Variants in PDYN observed in about 807,000 individuals in gnomAD.
The protein encoded by PDYN is proenkephalin-B.
A neutral mutation model predicts 11.4 loss-of-function variants in PDYN; 5 were observed. The observed-to-expected ratio is 0.44, with a 90% CI of 0.23 to 0.92. The LOEUF is 0.92. PDYN is among the 40% of genes least tolerant of loss of function. The pLI is 0.24. For synonymous variants in PDYN, 132 were observed against 129.5 expected (o/e 1.02, Z -0.13); for missense variants, 337 against 317.3 (o/e 1.06, Z -0.47).
Position 1,983,016 on chromosome 20 carries a change from C to G in PDYN, c.69G>C (p.Leu23=). 6.2e-7 allele frequency: 1 copy of G among 1,614,112 alleles called. No homozygotes were observed. Among genetic ancestry groups the G allele is most frequent in the South Asian group, 1.1e-5 (1 of 91,084 alleles). The part of the protein sequence containing the change: ...LMFPSTTADC[L]SRCSLCAVKT... Reference sequence around the variant, plus strand: ...TTACAGCACACAAGGAGCACCGCGACAGGCAGTCCGCTGTGGTGGAGGGGA... The same window carrying G: ...TTACAGCACACAAGGAGCACCGCGAGAGGCAGTCCGCTGTGGTGGAGGGGA... The change falls in exon 3 of 4, where the codon CTG becomes CTC. Residue 23 remains leucine, a synonymous_variant. Transcript: ENST00000217305.
At chr20:1,985,747 G>A (rs187785732) in intron 2 of PDYN, among the ~76,000 whole-genome samples, 31 of 152,278 alleles carry the variant, frequency 2.0e-4, no homozygotes, top group African/African-American at 7.0e-4. Flanking sequence ...TCAGGGAAGC[G>A]GACTTGTGTC....
At position 1,988,177 on chromosome 20, in the gene PDYN, G is replaced by A. The variant is rs6035248; in HGVS notation, c.-20+4407C>T. ...CTCCAATCCTCACAGCAGCCCCAGA[G>A]GTGCATGTTTTTCTTTTAATATCCA... On this transcript the variant is annotated intron_variant, in intron 2 of 3. Coordinates refer to ENST00000217305, the MANE Select transcript of PDYN (RefSeq NM_024411.5). Among the ~76,000 whole-genome samples the A allele has an allele frequency of 2.2e-3, 329 of 152,228 alleles. 1 individual carries two copies. The highest frequency in any genetic ancestry group is 7.2e-3 in the African/African-American group (297 of 41,524).
intron 2 of PDYN, among the ~76,000 whole-genome samples, chr20:1,985,700 G>A (rs562618331): frequency 1.3e-5 from 2 of 152,192 alleles, no homozygotes; most frequent in African/African-American, 2.4e-5. Context: ...GGCTGGCAAG[G>A]TCGGCTCCCC....
Position 1,980,674 on chromosome 20 carries a change from C to T in PDYN, c.414G>A (p.Arg138=). 6.2e-7 allele frequency: 1 copy of T among 1,614,196 alleles called. No homozygotes were observed. Among genetic ancestry groups the T allele is most frequent in the Non-Finnish European group, 8.5e-7 (1 of 1,180,030 alleles). Residue 138 remains arginine (R), a synonymous_variant, in exon 4 of 4, where the codon AGG becomes AGA. Transcript: ENST00000217305. ...TCATCAGCTCAGACTCTGCTCCCTC[C>T]CTAAACCCGTCAGAGAGACCCCTGA... is the stretch of plus-strand genomic sequence containing the variant. ...EKLRGLSDGF[R]EGAESELMRD... is the part of the protein sequence containing the mutation.
chr20:1,993,620 T>G (rs1988547402), intron 1 of PDYN: 1 of 152,264 alleles, frequency 6.6e-6, no homozygotes, highest in South Asian at 2.1e-4. Context: ...AACTGCTGTG[T>G]GGGAGACTGC....
rs1270281986 is a variant in PDYN, at chr20:1,980,176, GA to G, written c.*146del. 1.2e-6 allele frequency: 1 copy of G among 848,878 alleles called. No homozygotes were observed. The highest frequency in any genetic ancestry group is 1.7e-5 in the African/African-American group (1 of 59,986). 52.6% of individuals were successfully genotyped at this position (848,878 alleles called of 1,614,324 possible). On this transcript the variant is annotated 3_prime_UTR_variant, in exon 4 of 4. Transcript: ENST00000217305. ...CAGAGAAATAACATACTCCCACGCA[GA>G]AGAGAGATAGGCTGGGCTTGGATAT...
intron 2 of PDYN, among the ~76,000 whole-genome samples, chr20:1,991,263 A>T: frequency 6.6e-6 from 1 of 152,246 alleles, no homozygotes; most frequent in Non-Finnish European, 1.5e-5. Flanking sequence ...GTCCAGGAAT[A>T]GGACAGGGAC....
At chr20:1,989,249 G>A (rs1430972907) in intron 2 of PDYN, among the ~76,000 whole-genome samples, 2 of 152,172 alleles carry the variant, frequency 1.3e-5, no homozygotes, top group Non-Finnish European at 2.9e-5. Flanking sequence ...GAAGCAACTG[G>A]CCCCATTCTT....
chr20:1,980,694 C>T lies in PDYN; in HGVS notation c.394G>A (p.Gly132Ser), dbSNP rs1430436485. 6.2e-7 allele frequency: 1 copy of T among 1,614,202 alleles called. No individual in the cohort carries two copies. Among genetic ancestry groups the T allele is most frequent in the East Asian group, 2.2e-5 (1 of 44,870 alleles). ...LSKSLEEKLR[G>S]LSDGFREGAE... is the part of the protein sequence containing the mutation. Reference sequence around the variant, plus strand: ...CCCTCCCTAAACCCGTCAGAGAGACCCCTGAGCTTCTCCTCCAGGCTCTTG... The same window carrying T: ...CCCTCCCTAAACCCGTCAGAGAGACTCCTGAGCTTCTCCTCCAGGCTCTTG... The change falls in exon 4 of 4, where the codon GGT becomes AGT. Residue 132 changes from glycine to serine, a missense_variant. Coordinates refer to ENST00000217305, the MANE Select transcript of PDYN (RefSeq NM_024411.5).
intron 2 of PDYN, among the ~76,000 whole-genome samples, chr20:1,989,563 T>C (rs1988341408): frequency 6.6e-6 from 1 of 152,206 alleles, no homozygotes; most frequent in African/African-American, 2.4e-5. Context: ...ATGATATTTC[T>C]ATATTGTAGT....
At chr20:1,989,178 C>T (rs12480838) in intron 2 of PDYN, among the ~76,000 whole-genome samples, 25,204 of 152,042 alleles carry the variant, frequency 0.17, 2,850 homozygotes, top group East Asian at 0.64. Context: ...ATTTTTTATG[C>T]CTTGCTAGTG....
In PDYN at chr20:1,980,550, G is replaced by A. The variant is rs370283678; in HGVS notation, c.538C>T (p.Arg180Cys). 41 of 1,613,736 alleles carry A rather than the reference G, an allele frequency of 2.5e-5. No individual in the cohort carries two copies. Among genetic ancestry groups the A allele is most frequent in the African/African-American group, 4.0e-5 (3 of 74,962 alleles). Residue 180 changes from arginine (R) to cysteine (C), a missense_variant, in exon 4 of 4, where the codon CGC becomes TGC. Coordinates refer to ENST00000217305, the MANE Select transcript of PDYN (RefSeq NM_024411.5). ...EQVKRYGGFL[R>C]KYPKRSSEVA... ...TCTGAGCTCCTCTTGGGGTATTTGC[G>A]CAAAAAGCCCCCATAGCGTTTGACC...
At chr20:1,985,269 C>T (rs1218554045) in intron 2 of PDYN, among the ~76,000 whole-genome samples, 1 of 152,112 alleles carries the variant, frequency 6.6e-6, no homozygotes, top group Non-Finnish European at 1.5e-5. Context: ...CCAGAGCATG[C>T]CTAATAGTGA....
chr20:1,991,814 T>C (rs2281285), intron 2 of PDYN, among the ~76,000 whole-genome samples: 25,165 of 152,030 alleles, frequency 0.17, 2,867 homozygotes, highest in East Asian at 0.64. Context: ...GGGAGGTGGA[T>C]TTAGGGAGTA....
Position 1,982,975 on chromosome 20 carries a change from G to A in PDYN, c.110C>T (p.Pro37Leu), listed in dbSNP as rs370275645. 2 of 1,613,978 alleles carry A rather than the reference G, an allele frequency of 1.2e-6. No homozygotes were observed. Among genetic ancestry groups the A allele is most frequent in the Non-Finnish European group, 1.7e-6 (2 of 1,179,918 alleles). The change falls in exon 3 of 4, where the codon CCC becomes CTC. Residue 37 changes from proline (P) to leucine (L), a missense_variant. Pro to Leu is a moderately conservative substitution (Grantham distance 98). Transcript: ENST00000217305. ...SLCAVKTQDGPKPINPLICSL... is the reference protein window; with the variant it reads ...SLCAVKTQDGLKPINPLICSL... Reference sequence around the variant, plus strand: ...ACCTACCAGGGGATTGATAGGTTTGGGACCATCCTGGGTCTTTACAGCACA... The same window carrying A: ...ACCTACCAGGGGATTGATAGGTTTGAGACCATCCTGGGTCTTTACAGCACA...
At position 1,980,873 on chromosome 20, in the gene PDYN, G is replaced by T. The variant is rs2122313990; in HGVS notation, c.215C>A (p.Ser72Tyr). Reference protein sequence around the residue: ...CQSFLSFFTPSTLGLNDKEDL... With the variant: ...CQSFLSFFTPYTLGLNDKEDL... ...CTCCTTGTCATTGAGCCCAAGGGTG[G>T]AGGGGGTGAAAAAAGACAGAAAGCT... Residue 72 changes from serine to tyrosine, a missense_variant, in exon 4 of 4, where the codon TCC (serine) becomes TAC (tyrosine). Physicochemically the swap from Ser to Tyr is moderately radical, Grantham distance 144. Coordinates refer to ENST00000217305, the MANE Select transcript of PDYN (RefSeq NM_024411.5). 2 of 1,614,200 alleles carry T rather than the reference G, an allele frequency of 1.2e-6. No individual in the cohort carries two copies. The highest frequency in any genetic ancestry group is 2.7e-5 in the African/African-American group (2 of 75,046).
Position 1,980,258 on chromosome 20 carries a change from GAAT to G in PDYN, c.*62_*64del. The G allele has an allele frequency of 6.7e-7, 1 of 1,497,002 alleles. No individual in the cohort carries two copies. Among genetic ancestry groups the G allele is most frequent in the Non-Finnish European group, 9.3e-7 (1 of 1,074,476 alleles). 92.7% of individuals were successfully genotyped at this position (1,497,002 alleles called of 1,614,324 possible). A position where few individuals can be genotyped will look rare whatever the true frequency, so the allele number is the denominator to read the frequency against. On this transcript the variant is annotated 3_prime_UTR_variant, in exon 4 of 4. Coordinates refer to ENST00000217305, the MANE Select transcript of PDYN (RefSeq NM_024411.5). Reference sequence around the variant, plus strand: ...AAGGGGCACATATAAGAGGATGAATGAATGCACTCCAACCTGAAAAGGTGTCAG... The same window carrying G: ...AAGGGGCACATATAAGAGGATGAATGGCACTCCAACCTGAAAAGGTGTCAG...
At chr20:1,989,849 T>C (rs982281117) in intron 2 of PDYN, among the ~76,000 whole-genome samples, 3 of 152,170 alleles carry the variant, frequency 2.0e-5, no homozygotes, top group Non-Finnish European at 4.4e-5. Context: ...GACCCTGCAA[T>C]GACAACCATC....
rs759270820 is a variant in PDYN at position 1,980,879 on chromosome 20, G to T, written c.209C>A (p.Thr70Asn). ...GTCATTGAGCCCAAGGGTGGAGGGG[G>T]TGAAAAAAGACAGAAAGCTCTGGCA... ...ERCQSFLSFF[T>N]PSTLGLNDKE... Residue 70 changes from threonine (T) to asparagine (N), a missense_variant, in exon 4 of 4, where the codon ACC becomes AAC. Physicochemically the swap from Thr to Asn is moderately conservative, Grantham distance 65. Coordinates refer to ENST00000217305, the MANE Select transcript of PDYN (RefSeq NM_024411.5). 8.1e-6 allele frequency: 13 copies of T among 1,614,080 alleles called. No individual in the cohort carries two copies. The highest frequency in any genetic ancestry group is 1.1e-5 in the Non-Finnish European group (13 of 1,180,034).
Sources: allele counts gnomAD v4.1 joint callset (sites outside exome capture counted in the v4.1 genomes callset), GRCh38; gene constraint gnomAD v4.1.1; transcripts MANE v1.5; gene names NCBI Gene and HGNC (gene_info 2026-07-23, HGNC 2026-07-21).